The following CASP2 variants were observed in gnomAD, a reference collection of about 807,000 sequenced individuals.
CASP2 encodes caspase 2, also known as caspase-2.
In CASP2, 38 loss-of-function variants were observed where a neutral mutation model predicts 54.4. That is an observed-to-expected ratio of 0.70 (90% CI 0.54 to 0.92). CASP2 has a LOEUF of 0.92. CASP2 is among the 40% of genes least tolerant of loss of function. The pLI is 0.00. For missense variants in CASP2, 512 were observed against 579.6 expected (o/e 0.88, Z 1.20); for synonymous variants, 215 against 216.3 (o/e 0.99, Z 0.05).
Position 143,305,266 on chromosome 7 carries a change from C to T in CASP2, c.*195C>T. ...AGGCCAGCTCCTTTTCTGTGAAGCC[C>T]TTTGCCTGTAGAGCCAGCCTTGGTT... On this transcript the variant is annotated 3_prime_UTR_variant, in exon 11 of 11. Transcript: ENST00000310447. 1.4e-6 allele frequency: 1 copy of T among 709,630 alleles called. No homozygotes were observed. Among genetic ancestry groups the T allele is most frequent in the Admixed American group, 2.2e-5 (1 of 45,698 alleles). 44.0% of individuals were successfully genotyped at this position (709,630 alleles called of 1,614,324 possible).
At chr7:143,301,763 T>C (rs1210846192) in intron 8 of CASP2, 1 of 152,300 alleles carries the variant, frequency 6.6e-6, no homozygotes, top group Middle Eastern at 3.4e-3. Context: ...TCGGATCTGA[T>C]TTTAAAATAG....
chr7:143,294,848 TC>T, intron 6 of CASP2, 75 bp downstream of exon 6: 1 of 1,297,998 alleles, frequency 7.7e-7, no homozygotes, highest in Non-Finnish European at 1.1e-6. Flanking sequence ...CATCGTTTGT[TC>T]CTGTGCCTGC....
rs373653048 is a variant in CASP2, at chr7:143,300,003, G to T, written c.828G>T (p.Ser276=). 5.6e-6 allele frequency: 9 copies of T among 1,613,948 alleles called. No individual in the cohort carries two copies. The highest frequency in any genetic ancestry group is 4.0e-5 in the African/African-American group (3 of 74,892). ...VTDSCIVALL[S]HGVEGAIYGV... ...ACTCCTGCATCGTGGCACTCCTCTC[G>T]CATGGTGTGGAGGGCGCCATCTATG... Residue 276 remains serine, a synonymous_variant, in exon 7 of 11, where the codon TCG becomes TCT. Transcript: ENST00000310447.
rs1227561695 is a variant in CASP2 at position 143,303,896 on chromosome 7, G to A, written c.1080G>A (p.Thr360=). ...AGTTGCCGAAGATGAGACTGCCCAC[G>A]CGCTCAGACATGATATGCGGCTATG... ...KEKLPKMRLP[T]RSDMICGYAC... Residue 360 remains threonine (T), a synonymous_variant, in exon 9 of 11, where the codon ACG becomes ACA. Transcript: ENST00000310447. 30 of 1,610,536 alleles carry A rather than the reference G, an allele frequency of 1.9e-5. No individual in the cohort carries two copies. Among genetic ancestry groups the A allele is most frequent in the East Asian group, 6.7e-5 (3 of 44,820 alleles).
At chr7:143,291,011 G>A (rs888798257) in intron 1 of CASP2, 1 of 155,942 alleles carries the variant, frequency 6.4e-6, no homozygotes, top group African/African-American at 2.4e-5. Context: ...GAACTTAAAA[G>A]TTTTAAAAAA....
Position 143,289,349 on chromosome 7 carries a change from G to C in CASP2, c.74+820G>C, listed in dbSNP as rs577942563. On this transcript the variant is annotated intron_variant, in intron 1 of 10. Transcript: ENST00000310447. ...TAGAGGAAGGAGCGGGTGTGCAGAG[G>C]GGGTGATGCTTCAGATTAAAACTAA... 2.6e-4 allele frequency among the ~76,000 whole-genome samples: 40 copies of C among 152,304 alleles called. 1 individual carries two copies. The South Asian group carries it at 5.4e-3, about 21-fold the overall frequency.
chr7:143,300,546 T>C, intron 8 of CASP2: 1 of 1,525,714 alleles, frequency 6.6e-7, no homozygotes. Context: ...AGGTCTCTTA[T>C]CCCGTGTCTT....
intron 1 of CASP2, 82 bp downstream of exon 1, chr7:143,288,611 C>A: frequency 7.8e-7 from 1 of 1,277,152 alleles, no homozygotes; most frequent in Non-Finnish European, 1.1e-6. Context: ...CCCTGCAGCC[C>A]CCTCCCCTCG....
Position 143,288,466 on chromosome 7 carries a change from C to T in CASP2, c.11C>T (p.Pro4Leu), listed in dbSNP as rs762812311. ...CGGGAAAAGCGGGAAATGGCGGCGC[C>T]GAGCGCGGGGTCTTGGTCCACCTTC... is the stretch of plus-strand genomic sequence containing the variant. Reference protein sequence around the residue: MAAPSAGSWSTFQH... With the variant: MAALSAGSWSTFQH... Residue 4 changes from proline (P) to leucine (L), a missense_variant, in exon 1 of 11, where the codon CCG becomes CTG. Pro to Leu is a moderately conservative substitution (Grantham distance 98). Transcript: ENST00000310447. 2 of 1,612,916 alleles carry T rather than the reference C, an allele frequency of 1.2e-6. No individual in the cohort carries two copies. Among genetic ancestry groups the T allele is most frequent in the African/African-American group, 1.3e-5 (1 of 74,910 alleles).
chr7:143,296,061 G>C, intron 6 of CASP2, among the ~76,000 whole-genome samples: 1 of 152,174 alleles, frequency 6.6e-6, no homozygotes, highest in East Asian at 1.9e-4. Context: ...CAAGTTGTAT[G>C]CAGCTGATAA....
At chr7:143,289,284 CTT>C (rs1801481049) in intron 1 of CASP2, among the ~76,000 whole-genome samples, 1 of 152,160 alleles carries the variant, frequency 6.6e-6, no homozygotes, top group African/African-American at 2.4e-5. Flanking sequence ...TGATTGGAAA[CTT>C]TTATAATGTT....
rs1476272221 is a variant in CASP2, at chr7:143,303,764, T to C, written c.968-20T>C. ...AGGAAGAAGTAACATCATTGTCCATTCTGTCTGCCTTTGTTACAGATGAGA... is the reference window on the plus strand; with the variant it reads ...AGGAAGAAGTAACATCATTGTCCATCCTGTCTGCCTTTGTTACAGATGAGA... On this transcript the variant is annotated intron_variant, in intron 8 of 10. Transcript: ENST00000310447. The C allele has an allele frequency of 1.9e-6, 3 of 1,612,664 alleles. No individual in the cohort carries two copies. The highest frequency in any genetic ancestry group is 2.5e-6 in the Non-Finnish European group (3 of 1,178,866).
chr7:143,295,463 T>A (rs1329677052), intron 6 of CASP2, among the ~76,000 whole-genome samples: 1 of 152,252 alleles, frequency 6.6e-6, no homozygotes, highest in Non-Finnish European at 1.5e-5. Context: ...CACAACTGAC[T>A]TTGTGACCTT....
chr7:143,290,596 C>T (rs1801527507), intron 1 of CASP2: 1 of 152,178 alleles, frequency 6.6e-6, no homozygotes, highest in Admixed American at 6.5e-5. Flanking sequence ...GATCTCTTTG[C>T]AAGCCTGTAG....
At chr7:143,302,408 T>G (rs1021976726) in intron 8 of CASP2, 1 of 152,170 alleles carries the variant, frequency 6.6e-6, no homozygotes, top group Admixed American at 6.5e-5. Context: ...AGCCAATTGT[T>G]CCATTGAAAA....
At chr7:143,300,453 C>A in intron 8 of CASP2, 159 bp downstream of exon 8, 1 of 1,596,232 alleles carries the variant, frequency 6.3e-7, no homozygotes, top group South Asian at 1.1e-5. Context: ...AAGTGTCTCC[C>A]AATGCATGGG....
chr7:143,298,990 C>T (rs941515159), intron 6 of CASP2, among the ~76,000 whole-genome samples: 1 of 151,786 alleles, frequency 6.6e-6, no homozygotes, highest in Admixed American at 6.6e-5. Context: ...GACAGGGTCT[C>T]TCTCTGTCAC....
intron 6 of CASP2, 141 bp downstream of exon 6, chr7:143,294,914 C>T (rs1478556766): frequency 2.6e-6 from 2 of 760,178 alleles, no homozygotes; most frequent in Non-Finnish European, 2.3e-6. Flanking sequence ...TCACTCTGTT[C>T]TGCCTCTCAC....
At chr7:143,290,268 G>A (rs1319850882) in intron 1 of CASP2, among the ~76,000 whole-genome samples, 1 of 151,928 alleles carries the variant, frequency 6.6e-6, no homozygotes, top group Admixed American at 6.6e-5. Context: ...CACCATGTTG[G>A]CCAGGCTGGT....
Sources: gnomAD v4.1 joint callset for allele counts (sites outside exome capture counted in the v4.1 genomes callset) on GRCh38, gnomAD v4.1.1 for gene constraint, MANE v1.5 for transcripts, NCBI Gene and HGNC (gene_info 2026-07-23, HGNC 2026-07-21) for gene names.